The following GRIP1 variants were observed in gnomAD, a reference collection of about 807,000 sequenced individuals.
GRIP1 encodes the protein glutamate receptor-interacting protein 1.
A neutral mutation model predicts 129.9 loss-of-function variants in GRIP1; 45 were observed. The observed-to-expected ratio is 0.35, with a 90% CI of 0.27 to 0.44. GRIP1 has a LOEUF of 0.44. GRIP1 is among the 20% of genes least tolerant of loss of function. The pLI, the probability that GRIP1 is intolerant of heterozygous loss-of-function variation, is 1.00. For missense variants in GRIP1, 1,196 were observed against 1,396.8 expected (o/e 0.86, Z 2.29); for synonymous variants, 530 against 520.8 (o/e 1.02, Z -0.24).
intron 6 of GRIP1, 106 bp from the exon 7 acceptor site, chr12:66,515,870 A>T (rs1021079746): frequency 3.5e-6 from 3 of 864,752 alleles, no homozygotes; most frequent in South Asian, 1.3e-5. Flanking sequence ...TCTGCCATCC[A>T]TCTCATTTGC....
At chr12:66,681,383 T>C (rs974137213), upstream of GRIP1, among the ~76,000 whole-genome samples, 31 of 152,236 alleles carry the variant, frequency 2.0e-4, no homozygotes, top group African/African-American at 6.7e-4. Flanking sequence ...TCCTGAACTC[T>C]AGCACTGGTA....
intron 22 of GRIP1, among the ~76,000 whole-genome samples, chr12:66,376,623 AATAGACTGGCCTTTT>A (rs2055796573): frequency 6.6e-6 from 1 of 152,262 alleles, no homozygotes; most frequent in African/African-American, 2.4e-5. Context: ...CTGCTTATCA[AATAGACTGGCCTTTT>A]TCACCAGCTG....
intron 1 of GRIP1, among the ~76,000 whole-genome samples, chr12:66,814,918 T>C (rs2039178167): frequency 6.6e-6 from 1 of 152,096 alleles, no homozygotes; most frequent in South Asian, 2.1e-4. Context: ...TCAGATCTCA[T>C]GTAAACTCAC....
At chr12:66,995,568 G>A (rs1260979000) in intron 1 of GRIP1, among the ~76,000 whole-genome samples, 5 of 151,888 alleles carry the variant, frequency 3.3e-5, no homozygotes, top group Admixed American at 6.6e-5. Context: ...ATTCATAAAT[G>A]GCAAATGGCT....
intron 1 of GRIP1, among the ~76,000 whole-genome samples, chr12:66,951,979 T>C (rs954073725): frequency 2.0e-5 from 3 of 152,226 alleles, no homozygotes; most frequent in African/African-American, 7.2e-5. Context: ...AGAAGATATC[T>C]GAGCTGAAGA....
At chr12:67,027,958 T>C (rs780418204) in intron 1 of GRIP1, among the ~76,000 whole-genome samples, 1 of 152,194 alleles carries the variant, frequency 6.6e-6, no homozygotes, top group Non-Finnish European at 1.5e-5. Context: ...AGAGGGCAGA[T>C]GGATGTGGGT....
intron 1 of GRIP1, among the ~76,000 whole-genome samples, chr12:66,993,258 T>C (rs1225845904): frequency 6.6e-6 from 1 of 151,762 alleles, no homozygotes; most frequent in Non-Finnish European, 1.5e-5. Flanking sequence ...AGGAGAAATA[T>C]TTCAAATCAA....
intron 2 of GRIP1, among the ~76,000 whole-genome samples, chr12:66,595,194 T>G (rs1041386932): frequency 3.9e-5 from 6 of 152,116 alleles, no homozygotes; most frequent in African/African-American, 1.2e-4. Flanking sequence ...AGTTAATGAT[T>G]CCAGTGACTT....
upstream of GRIP1, among the ~76,000 whole-genome samples, chr12:66,679,624 G>A (rs113512448): frequency 3.2e-4 from 49 of 152,154 alleles, no homozygotes; most frequent in African/African-American, 1.1e-3. Context: ...TACAAGAAAG[G>A]GTTAGGGCTA....
intron 9 of GRIP1, among the ~76,000 whole-genome samples, chr12:66,457,917 G>A (rs1181366193): frequency 2.0e-5 from 3 of 152,152 alleles, no homozygotes; most frequent in African/African-American, 7.2e-5. Flanking sequence ...TACCTCACAG[G>A]GATATTGAGA....
At chr12:66,572,212 G>A (rs13377875) in intron 2 of GRIP1, among the ~76,000 whole-genome samples, 2,725 of 152,128 alleles carry the variant, frequency 0.018, 76 homozygotes, top group African/African-American at 0.062. Flanking sequence ...GTATATCAGC[G>A]GCAAGATCTA....
chr12:66,622,041 G>A (rs772408057), intron 1 of GRIP1, among the ~76,000 whole-genome samples: 125 of 152,088 alleles, frequency 8.2e-4, no homozygotes, highest in Non-Finnish European at 8.2e-4. Context: ...CATTCCATGG[G>A]TTGCCTTTTC....
chr12:66,844,932 T>C (rs981150414), intron 1 of GRIP1, among the ~76,000 whole-genome samples: 17 of 151,844 alleles, frequency 1.1e-4, no homozygotes, highest in African/African-American at 4.1e-4. Flanking sequence ...AGACAGAAAA[T>C]AGAATGGTGG....
At chr12:67,000,145 ACT>A (rs2042530285) in intron 1 of GRIP1, among the ~76,000 whole-genome samples, 1 of 152,022 alleles carries the variant, frequency 6.6e-6, no homozygotes, top group Non-Finnish European at 1.5e-5. Context: ...AGCAACTCTA[ACT>A]CTGTCTTGTA....
intron 1 of GRIP1, among the ~76,000 whole-genome samples, chr12:66,616,766 C>A (rs139877224): frequency 1.7e-3 from 256 of 152,188 alleles, no homozygotes; most frequent in African/African-American, 6.0e-3. Flanking sequence ...ACTGATGGGA[C>A]CTCCTTCATC....
At chr12:66,844,985 T>C (rs1291713796) in intron 1 of GRIP1, among the ~76,000 whole-genome samples, 2 of 152,122 alleles carry the variant, frequency 1.3e-5, no homozygotes, top group Admixed American at 6.5e-5. Context: ...AGTTAGCGCT[T>C]AATGGACATC....
intron 1 of GRIP1, among the ~76,000 whole-genome samples, chr12:66,686,623 A>G (rs2034794921): frequency 6.6e-6 from 1 of 152,198 alleles, no homozygotes; most frequent in African/African-American, 2.4e-5. Context: ...GAAGGAGCTA[A>G]GTTTTCCATA....
intron 1 of GRIP1, among the ~76,000 whole-genome samples, chr12:67,068,322 G>C (rs959910580): frequency 3.3e-5 from 5 of 152,216 alleles, no homozygotes; most frequent in African/African-American, 9.6e-5. Context: ...ACCAGGCAGA[G>C]AGCCGCCTTT....
intron 2 of GRIP1, among the ~76,000 whole-genome samples, chr12:66,552,126 A>G (rs1011572137): frequency 2.0e-5 from 3 of 152,210 alleles, no homozygotes; most frequent in South Asian, 2.1e-4. Flanking sequence ...AGTGTTTAAC[A>G]TAAGGGGCCA....
Sources: gnomAD v4.1 joint callset for allele counts (sites outside exome capture counted in the v4.1 genomes callset) on GRCh38, gnomAD v4.1.1 for gene constraint, MANE v1.5 for transcripts, NCBI Gene and HGNC (gene_info 2026-07-23, HGNC 2026-07-21) for gene names.